The following KSR1 variants were observed in gnomAD, a reference collection of about 807,000 sequenced individuals.
KSR1 encodes the protein kinase suppressor of ras.
In KSR1, 35 loss-of-function variants were observed where a neutral mutation model predicts 92.9. The ratio of observed to expected loss-of-function variants is 0.38; its 90% CI spans 0.29 to 0.50. The LOEUF is 0.50. Ranked by LOEUF, KSR1 falls within the 20% of genes least tolerant of loss-of-function variation. The pLI is 0.94. For missense variants in KSR1, 972 were observed against 1,158.5 expected (o/e 0.84, Z 2.34); for synonymous variants, 467 against 472.6 (o/e 0.99, Z 0.15).
At chr17:27,548,790 A>G (rs1349580946) in intron 1 of KSR1, among the ~76,000 whole-genome samples, 7 of 152,012 alleles carry the variant, frequency 4.6e-5, no homozygotes, top group Non-Finnish European at 1.0e-4. Context: ...AGATCGTGCC[A>G]CTGCACCCCA....
At chr17:27,593,806 T>G (rs906555590) in intron 9 of KSR1, among the ~76,000 whole-genome samples, 2 of 152,188 alleles carry the variant, frequency 1.3e-5, no homozygotes, top group Non-Finnish European at 2.9e-5. Context: ...AGAAATTAGT[T>G]TCTCATGGTT....
intron 1 of KSR1, among the ~76,000 whole-genome samples, chr17:27,489,949 C>T (rs1256301477): frequency 6.6e-6 from 1 of 152,218 alleles, no homozygotes; most frequent in East Asian, 1.9e-4. Flanking sequence ...AAGCTTGTTG[C>T]ATACAATTGG....
intron 1 of KSR1, among the ~76,000 whole-genome samples, chr17:27,501,630 C>T (rs1834862388): frequency 6.6e-6 from 1 of 152,186 alleles, no homozygotes; most frequent in Admixed American, 6.5e-5. Flanking sequence ...TAAACAGTAG[C>T]TGGGATTACA....
chr17:27,561,662 A>G (rs1056548012), intron 2 of KSR1, among the ~76,000 whole-genome samples: 6 of 152,216 alleles, frequency 3.9e-5, no homozygotes, highest in East Asian at 3.9e-4. Flanking sequence ...GCCACTGAAC[A>G]TGAGTTCCTG....
intron 2 of KSR1, among the ~76,000 whole-genome samples, chr17:27,563,254 T>A (rs550453066): frequency 6.6e-6 from 1 of 152,122 alleles, no homozygotes; most frequent in Non-Finnish European, 1.5e-5. Flanking sequence ...TTTTCCTTTC[T>A]CCTTTCCTGT....
intron 1 of KSR1, among the ~76,000 whole-genome samples, chr17:27,504,780 A>G (rs2069316589): frequency 6.6e-6 from 1 of 152,170 alleles, no homozygotes; most frequent in African/African-American, 2.4e-5. Context: ...AGTGCACTGA[A>G]GGCTCATGAA....
At chr17:27,583,192 C>T (rs1043824056) in intron 4 of KSR1, 87 bp downstream of exon 4, 2 of 923,706 alleles carry the variant, frequency 2.2e-6, no homozygotes, top group African/African-American at 3.4e-5. Context: ...TAAAATCAAC[C>T]CCTATAGACG....
At chr17:27,599,876 T>C (rs920432810) in intron 10 of KSR1, among the ~76,000 whole-genome samples, 2 of 152,114 alleles carry the variant, frequency 1.3e-5, no homozygotes, top group African/African-American at 4.8e-5. Flanking sequence ...TTTTTTCTTT[T>C]ACTTTTTAAA....
At chr17:27,528,626 T>G (rs2070410267) in intron 1 of KSR1, among the ~76,000 whole-genome samples, 1 of 152,078 alleles carries the variant, frequency 6.6e-6, no homozygotes, top group Admixed American at 6.6e-5. Context: ...GGGCCAGGCA[T>G]AGTGGCTCAC....
chr17:27,504,269 G>A (rs542259758), intron 1 of KSR1, among the ~76,000 whole-genome samples: 37 of 152,344 alleles, frequency 2.4e-4, no homozygotes, highest in African/African-American at 7.5e-4. Flanking sequence ...AGGCTGGTCC[G>A]CAGTCAGCCG....
chr17:27,569,095 T>C (rs2072202404), intron 2 of KSR1, among the ~76,000 whole-genome samples: 1 of 152,270 alleles, frequency 6.6e-6, no homozygotes, highest in African/African-American at 2.4e-5. Flanking sequence ...ACTCAAGTTC[T>C]AGTGTGGGAT....
chr17:27,470,016 G>GTA (rs2019898967), intron 1 of KSR1, among the ~76,000 whole-genome samples: 1 of 114,926 alleles, frequency 8.7e-6, no homozygotes, highest in African/African-American at 2.9e-5. Context: ...GTGTGTGTGT[G>GTA]TGTGTGTGTG....
At chr17:27,553,910 T>A (rs910345448) in intron 2 of KSR1, among the ~76,000 whole-genome samples, 2 of 152,198 alleles carry the variant, frequency 1.3e-5, no homozygotes, top group Non-Finnish European at 2.9e-5. Flanking sequence ...TTAGAGCAGC[T>A]CTCCAGGGCT....
At position 27,548,353 on chromosome 17, in the gene KSR1, T is replaced by C. The variant is rs544849977; in HGVS notation, c.232-2215T>C. Among the ~76,000 whole-genome samples, 6 of 152,370 alleles carry C rather than the reference T, an allele frequency of 3.9e-5. No individual in the cohort carries two copies. In the South Asian group the frequency reaches 6.2e-4, roughly 16 times the overall value. ...TGGCCCCAAACTGGTTATAAGCTTT[T>C]ATTCTAATTGAAAATTTGGAGCCTT... On this transcript the variant is annotated intron_variant, in intron 1 of 20. Transcript: ENST00000644974.
At chr17:27,510,872 T>C (rs2069574605) in intron 1 of KSR1, among the ~76,000 whole-genome samples, 1 of 152,232 alleles carries the variant, frequency 6.6e-6, no homozygotes, top group Non-Finnish European at 1.5e-5. Flanking sequence ...CCAGGCACCC[T>C]TCTGAGCCAG....
At chr17:27,505,311 T>C (rs918677949) in intron 1 of KSR1, among the ~76,000 whole-genome samples, 3 of 152,202 alleles carry the variant, frequency 2.0e-5, no homozygotes, top group Non-Finnish European at 2.9e-5. Flanking sequence ...GCCCCTGAGA[T>C]GGCCATCCCC....
intron 1 of KSR1, among the ~76,000 whole-genome samples, chr17:27,487,090 C>A (rs902448041): frequency 1.3e-5 from 2 of 152,108 alleles, no homozygotes; most frequent in African/African-American, 4.8e-5. Context: ...CTGTGTTAGT[C>A]CATTTTATGT....
chr17:27,482,807 A>G (rs1415488359), intron 1 of KSR1, among the ~76,000 whole-genome samples: 1 of 152,142 alleles, frequency 6.6e-6, no homozygotes, highest in Admixed American at 6.5e-5. Flanking sequence ...AAGTGAAGGA[A>G]ATGCATACAG....
rs2073688458 is a variant in KSR1, at chr17:27,604,673, C to T, written c.1566-7C>T. 4 of 1,614,004 alleles carry T rather than the reference C, an allele frequency of 2.5e-6. No homozygotes were observed. In the East Asian group the frequency reaches 8.9e-5, roughly 36 times the overall value. On this transcript the variant is annotated splice_region_variant and splice_polypyrimidine_tract_variant and intron_variant, in intron 12 of 20. Transcript: ENST00000644974. ...AGGTCTCCTTGACAAACCTTGTTTA[C>T]TCTTAGGCTCGATGACCAGCCGAAA...
Sources: gnomAD v4.1 joint callset for allele counts (sites outside exome capture counted in the v4.1 genomes callset) on GRCh38, gnomAD v4.1.1 for gene constraint, MANE v1.5 for transcripts, NCBI Gene and HGNC (gene_info 2026-07-23, HGNC 2026-07-21) for gene names.